The following AGBL4 variants were observed in gnomAD, a reference collection of about 807,000 sequenced individuals.
AGBL4 encodes the protein cytosolic carboxypeptidase 6.
Under a neutral mutation model 66.4 loss-of-function variants are expected in AGBL4, and 58 were observed. That is an observed-to-expected ratio of 0.87 (90% CI 0.71 to 1.09). The LOEUF is 1.09. Among genes scored for constraint, AGBL4 ranks in the 50% least tolerant of loss-of-function variants. AGBL4 has a pLI of 0.00. For missense variants in AGBL4, 579 were observed against 631.0 expected (o/e 0.92, Z 0.88); for synonymous variants, 234 against 222.9 (o/e 1.05, Z -0.44).
intron 3 of AGBL4, among the ~76,000 whole-genome samples, chr1:49,565,437 G>T (rs1445851820): frequency 1.3e-5 from 2 of 152,116 alleles, no homozygotes; most frequent in African/African-American, 4.8e-5. Flanking sequence ...TGCAGTGGCT[G>T]GTACTGGTTG....
At chr1:48,975,525 G>T (rs908382804) in intron 5 of AGBL4, among the ~76,000 whole-genome samples, 2 of 152,106 alleles carry the variant, frequency 1.3e-5, no homozygotes, top group African/African-American at 4.8e-5. Flanking sequence ...CCTGCTAGTT[G>T]TGTTGTAAAC....
At position 49,873,719 on chromosome 1, in the gene AGBL4, C is replaced by T. The variant is rs577489395; in HGVS notation, c.35-22201G>A. Among the ~76,000 whole-genome samples the T allele has an allele frequency of 1.5e-4, 23 of 152,062 alleles. No homozygotes were observed. The East Asian group carries it at 4.4e-3, about 29-fold the overall frequency. On this transcript the variant is annotated intron_variant, in intron 1 of 13. Coordinates refer to ENST00000371839, the MANE Select transcript of AGBL4 (RefSeq NM_032785.4). ...ACTTTTCCCCTTTAAATATTGAAGCCCTCAAAATCATCTTTGGAGAAAGGC... is the reference window on the plus strand; with the variant it reads ...ACTTTTCCCCTTTAAATATTGAAGCTCTCAAAATCATCTTTGGAGAAAGGC...
At position 49,324,014 on chromosome 1, in the gene AGBL4, C is replaced by T. The variant is rs139236935; in HGVS notation, c.283-78150G>A. Among the ~76,000 whole-genome samples the T allele has an allele frequency of 5.1e-4, 77 of 152,278 alleles. 1 individual carries two copies. The East Asian group carries it at 0.011, about 23-fold the overall frequency. The stretch of plus-strand genomic sequence containing the variant: ...TTACATCTATATCCCCAATAACTAA[C>T]ACAGTGCCTGACACAGACCAGGATT... On this transcript the variant is annotated intron_variant, in intron 3 of 13. Transcript: ENST00000371839.
intron 3 of AGBL4, among the ~76,000 whole-genome samples, chr1:49,410,261 C>T (rs1228088051): frequency 1.3e-5 from 2 of 152,142 alleles, no homozygotes; most frequent in African/African-American, 2.4e-5. Context: ...ACTAGAAACC[C>T]GTATGCAGAA....
intron 3 of AGBL4, among the ~76,000 whole-genome samples, chr1:49,551,754 AT>A (rs1176086691): frequency 6.6e-6 from 1 of 152,128 alleles, no homozygotes. Context: ...TTAATGCTCT[AT>A]TTTTGTGCTG....
At chr1:49,793,509 G>T (rs1644655110) in intron 2 of AGBL4, among the ~76,000 whole-genome samples, 1 of 151,952 alleles carries the variant, frequency 6.6e-6, no homozygotes, top group South Asian at 2.1e-4. Flanking sequence ...AAATTTAGAT[G>T]GAGTGAATAC....
At chr1:49,205,261 G>T (rs551713748) in intron 4 of AGBL4, among the ~76,000 whole-genome samples, 4 of 152,058 alleles carry the variant, frequency 2.6e-5, no homozygotes, top group Non-Finnish European at 5.9e-5. Flanking sequence ...GGACACAGAG[G>T]AGGGCAGCAT....
At chr1:49,505,532 G>C (rs1403292784) in intron 3 of AGBL4, among the ~76,000 whole-genome samples, 1 of 151,846 alleles carries the variant, frequency 6.6e-6, no homozygotes, top group African/African-American at 2.4e-5. Context: ...TTGTCCTTCA[G>C]ACCTTTGAAT....
In AGBL4 at chr1:49,016,504, G is replaced by T. The variant is rs368085685; in HGVS notation, c.594+29080C>A. The stretch of plus-strand genomic sequence containing the variant: ...CTGACTCAGTCACTTGAGAGTGCCG[G>T]AGTTTTGACATTGTAAGAGGAAGAA... On this transcript the variant is annotated intron_variant, in intron 5 of 13. Coordinates refer to ENST00000371839, the MANE Select transcript of AGBL4 (RefSeq NM_032785.4). Among the ~76,000 whole-genome samples, 76 of 152,264 alleles carry T rather than the reference G, an allele frequency of 5.0e-4. 2 individuals are homozygous for T. In the South Asian group the frequency reaches 0.014, roughly 29 times the overall value.
At chr1:49,841,906 G>T in intron 2 of AGBL4, 1 of 631,222 alleles carries the variant, frequency 1.6e-6, no homozygotes. Flanking sequence ...TGGGCTGCCT[G>T]TCTCCACAGA....
intron 6 of AGBL4, among the ~76,000 whole-genome samples, chr1:48,708,361 T>C (rs1227055843): frequency 6.6e-6 from 1 of 152,136 alleles, no homozygotes; most frequent in Admixed American, 6.5e-5. Context: ...TGAAGAGGGA[T>C]TGACCATTGT....
At chr1:49,283,269 C>G (rs1235669234) in intron 3 of AGBL4, among the ~76,000 whole-genome samples, 1 of 152,182 alleles carries the variant, frequency 6.6e-6, no homozygotes, top group East Asian at 1.9e-4. Flanking sequence ...ACACTGACAC[C>G]TCACACGGCA....
intron 2 of AGBL4, among the ~76,000 whole-genome samples, chr1:49,771,567 C>A (rs1305796949): frequency 1.3e-5 from 2 of 152,030 alleles, no homozygotes; most frequent in Non-Finnish European, 2.9e-5. Context: ...TGTTATGATG[C>A]TCTTTCCATT....
At chr1:49,283,265 A>T (rs1644321228) in intron 3 of AGBL4, among the ~76,000 whole-genome samples, 2 of 152,172 alleles carry the variant, frequency 1.3e-5, no homozygotes, top group African/African-American at 4.8e-5. Flanking sequence ...GGGCACACTG[A>T]CACCTCACAC....
At chr1:49,851,620 C>T (rs2148064172) in intron 1 of AGBL4, 102 bp from the exon 2 acceptor site, 2 of 1,249,134 alleles carry the variant, frequency 1.6e-6, no homozygotes, top group Non-Finnish European at 2.2e-6. Flanking sequence ...CAAGTGTTAA[C>T]CCAAGCAAAA....
At chr1:49,829,310 T>C (rs961490800) in intron 2 of AGBL4, among the ~76,000 whole-genome samples, 5 of 152,270 alleles carry the variant, frequency 3.3e-5, no homozygotes, top group Non-Finnish European at 4.4e-5. Flanking sequence ...TTATAGGTCA[T>C]GTGTGGAGGA....
chr1:48,953,071 T>A (rs914310598), intron 5 of AGBL4, among the ~76,000 whole-genome samples: 19 of 152,280 alleles, frequency 1.2e-4, no homozygotes, highest in African/African-American at 4.6e-4. Context: ...TCAACTGAGA[T>A]AATGAACAGA....
intron 6 of AGBL4, among the ~76,000 whole-genome samples, chr1:48,742,022 AT>A (rs1471922841): frequency 6.6e-6 from 1 of 152,182 alleles, no homozygotes; most frequent in Non-Finnish European, 1.5e-5. Flanking sequence ...TTTGTTTATG[AT>A]TTGTTTTCAA....
intron 3 of AGBL4, among the ~76,000 whole-genome samples, chr1:49,271,944 T>C (rs1393091840): frequency 2.6e-5 from 4 of 152,172 alleles, no homozygotes; most frequent in Non-Finnish European, 5.9e-5. Context: ...AGTTACTTCA[T>C]GCTGTGACAG....
Sources: allele counts gnomAD v4.1 joint callset (sites outside exome capture counted in the v4.1 genomes callset), GRCh38; gene constraint gnomAD v4.1.1; transcripts MANE v1.5; gene names NCBI Gene and HGNC (gene_info 2026-07-23, HGNC 2026-07-21).